GLRX3: variants seen among roughly 807,000 people sequenced by gnomAD.
GLRX3 encodes glutaredoxin-3.
GLRX3 carries 22 observed loss-of-function variants against 49.5 expected under a neutral mutation model. The observed-to-expected ratio is 0.44, with a 90% CI of 0.32 to 0.63. The LOEUF (loss-of-function observed/expected upper bound fraction) is 0.63, where lower values mean the gene tolerates loss of function less well. GLRX3 is among the 30% of genes least tolerant of loss of function. GLRX3 has a pLI of 0.05. For synonymous variants in GLRX3, 133 were observed against 140.0 expected (o/e 0.95, Z 0.35); for missense variants, 385 against 396.3 (o/e 0.97, Z 0.24).
intron 7 of GLRX3, among the ~76,000 whole-genome samples, 163 bp from the exon 8 acceptor site, chr10:130,171,421 G>C (rs1410989209): frequency 6.6e-6 from 1 of 151,680 alleles, no homozygotes; most frequent in Non-Finnish European, 1.5e-5. Flanking sequence ...TGTGTAGATG[G>C]GTTCGTACTT....
intron 2 of GLRX3, among the ~76,000 whole-genome samples, chr10:130,159,466 C>T (rs541334650): frequency 6.6e-6 from 1 of 152,286 alleles, no homozygotes; most frequent in East Asian, 1.9e-4. Context: ...GTCCAGCAGC[C>T]TTGCAGGAGT....
intron 2 of GLRX3, among the ~76,000 whole-genome samples, chr10:130,151,941 C>G (rs779542267): frequency 1.6e-4 from 25 of 152,152 alleles, no homozygotes; most frequent in Admixed American, 3.9e-4. Context: ...TTGACTCTGT[C>G]CAATTTGCCA....
chr10:130,154,266 A>T (rs1305515114), intron 2 of GLRX3, among the ~76,000 whole-genome samples: 2 of 152,176 alleles, frequency 1.3e-5, no homozygotes, highest in Non-Finnish European at 2.9e-5. Context: ...AGGAAAGGGA[A>T]ATCCTCCAAC....
intron 2 of GLRX3, among the ~76,000 whole-genome samples, chr10:130,153,290 C>T (rs1362932466): frequency 6.6e-6 from 1 of 152,202 alleles, no homozygotes; most frequent in Non-Finnish European, 1.5e-5. Flanking sequence ...CTTCTGAATC[C>T]TGCTTCTGTC....
chr10:130,146,854 C>T (rs377016012), intron 2 of GLRX3, among the ~76,000 whole-genome samples: 44 of 152,204 alleles, frequency 2.9e-4, no homozygotes, highest in South Asian at 1.5e-3. Context: ...GTAATTCATT[C>T]GTATAGTAGG....
chr10:130,166,745 T>C, intron 5 of GLRX3, 66 bp downstream of exon 5: 1 of 1,182,962 alleles, frequency 8.5e-7, no homozygotes, highest in East Asian at 2.3e-5. Flanking sequence ...TAAAATGTTG[T>C]GATAAATCTA....
chr10:130,160,475 C>T lies in GLRX3; in HGVS notation c.277-321C>T, dbSNP rs577742341. On this transcript the variant is annotated intron_variant, in intron 3 of 10. Coordinates refer to ENST00000331244, the MANE Select transcript of GLRX3 (RefSeq NM_006541.5). ...GTGCACACCTGTGCTTCCAGGCACC[C>T]ATGGGTGTCATCGTAGTTCCCCAAA... Among the ~76,000 whole-genome samples, 16 of 152,284 alleles carry T rather than the reference C, an allele frequency of 1.1e-4. No homozygotes were observed. The East Asian group carries it at 3.1e-3, about 29-fold the overall frequency.
At chr10:130,166,850 A>G (rs1862700995) in intron 5 of GLRX3, 69 bp from the exon 6 acceptor site, 27 of 1,058,816 alleles carry the variant, frequency 2.6e-5, no homozygotes, top group Admixed American at 2.0e-4. Flanking sequence ...AATCTGTGTT[A>G]TGGTATGATC....
In GLRX3 at chr10:130,166,674, A is replaced by G; in HGVS notation, c.646A>G (p.Ile216Val). 2 of 1,596,880 alleles carry G rather than the reference A, an allele frequency of 1.3e-6. No homozygotes were observed. The highest frequency in any genetic ancestry group is 1.7e-6 in the Non-Finnish European group (2 of 1,165,354). The stretch of plus-strand genomic sequence containing the variant: ...AGAGCTCATAGGAGGACTTGATATA[A>G]TTAAGGTTAGAATTGAGAAGTCTGT... ...SGELIGGLDIIKELEASEELD... is the reference protein window; with the variant it reads ...SGELIGGLDIVKELEASEELD... Residue 216 changes from isoleucine to valine, a missense_variant, in exon 5 of 11, where the codon ATT (isoleucine) becomes GTT (valine). Coordinates refer to ENST00000331244, the MANE Select transcript of GLRX3 (RefSeq NM_006541.5).
intron 6 of GLRX3, among the ~76,000 whole-genome samples, chr10:130,168,872 T>G (rs1157529943): frequency 2.0e-5 from 3 of 152,244 alleles, no homozygotes; most frequent in Non-Finnish European, 4.4e-5. Context: ...AACTTGTGGC[T>G]GTATACAGAT....
chr10:130,137,789 T>C (rs1182539325), intron 1 of GLRX3, among the ~76,000 whole-genome samples: 2 of 152,140 alleles, frequency 1.3e-5, no homozygotes, highest in South Asian at 2.1e-4. Context: ...GGCTGCAGTG[T>C]AGTGGAGCGA....
At chr10:130,168,453 ATTT>A (rs1335981443) in intron 6 of GLRX3, among the ~76,000 whole-genome samples, 4 of 151,496 alleles carry the variant, frequency 2.6e-5, no homozygotes, top group Non-Finnish European at 4.4e-5. Flanking sequence ...ATTTATTATT[ATTT>A]TTTTTTGAGA....
rs1265890389 is a variant in GLRX3, at chr10:130,167,707, A to G, written c.713+727A>G. 2.0e-5 allele frequency among the ~76,000 whole-genome samples: 3 copies of G among 152,138 alleles called. No individual in the cohort carries two copies. The East Asian group carries it at 5.8e-4, about 29-fold the overall frequency. On this transcript the variant is annotated intron_variant, in intron 6 of 10. Transcript: ENST00000331244. Reference sequence around the variant, plus strand: ...CTTCCTTTGGTAATTTTTTTTTGCCATGTAACATCTTGAGAATTTCTAAAA... The same window carrying G: ...CTTCCTTTGGTAATTTTTTTTTGCCGTGTAACATCTTGAGAATTTCTAAAA...
chr10:130,148,626 T>TA (rs1161195790), intron 2 of GLRX3, among the ~76,000 whole-genome samples: 1 of 152,092 alleles, frequency 6.6e-6, no homozygotes, highest in Admixed American at 6.6e-5. Flanking sequence ...TAGGAGCTGG[T>TA]AAAAATAGAG....
At chr10:130,152,938 CA>C (rs1343694913) in intron 2 of GLRX3, among the ~76,000 whole-genome samples, 3 of 152,142 alleles carry the variant, frequency 2.0e-5, no homozygotes, top group African/African-American at 7.2e-5. Flanking sequence ...TCAGGTACAC[CA>C]ATCAAACGTA....
chr10:130,143,607 C>T (rs535216541), intron 1 of GLRX3, among the ~76,000 whole-genome samples: 3 of 151,978 alleles, frequency 2.0e-5, no homozygotes, highest in Non-Finnish European at 4.4e-5. Context: ...TGGCTCACTA[C>T]AGCCTCGACC....
At position 130,174,889 on chromosome 10, in the gene GLRX3, A is replaced by G. The variant is rs756917501; in HGVS notation, c.847A>G (p.Ile283Val). The G allele has an allele frequency of 1.1e-5, 17 of 1,597,474 alleles. No individual in the cohort carries two copies. Among genetic ancestry groups the G allele is most frequent in the Non-Finnish European group, 1.5e-5 (17 of 1,164,726 alleles). ...STGVEYETFD[I>V]LEDEEVRQGL... ...CAGTGTTGAATATGAAACATTCGAT[A>G]TATTGGAGGATGAAGAAGTAAGTTC... Residue 283 changes from isoleucine (I) to valine (V), a missense_variant, in exon 9 of 11, where the codon ATA becomes GTA. Physicochemically the swap from Ile to Val is conservative, Grantham distance 29. This residue lies in a region of GLRX3 where 374 missense variants were observed against 358.6 expected (regional missense o/e 1.04). Transcript: ENST00000331244.
intron 1 of GLRX3, 37 bp downstream of exon 1, chr10:130,136,549 G>C: frequency 8.0e-7 from 1 of 1,249,108 alleles, no homozygotes; most frequent in Non-Finnish European, 1.0e-6. Flanking sequence ...TGAGGAGCCG[G>C]AGCGGGAGCG....
rs760738747 is a variant in GLRX3, at chr10:130,166,949, A to G, written c.682A>G (p.Ile228Val). The stretch of plus-strand genomic sequence containing the variant: ...AGAAGCATCTGAAGAACTAGATACA[A>G]TTTGTCCCAAAGCTCCCAAATTAGA... ...ELEASEELDT[I>V]CPKAPKLEER... Residue 228 changes from isoleucine to valine, a missense_variant, in exon 6 of 11, where the codon ATT becomes GTT. Ile to Val is a conservative substitution (Grantham distance 29, BLOSUM62 3). Transcript: ENST00000331244. 37 of 1,597,956 alleles carry G rather than the reference A, an allele frequency of 2.3e-5. No individual in the cohort carries two copies. Among genetic ancestry groups the G allele is most frequent in the Admixed American group, 3.5e-5 (2 of 57,570 alleles).
Sources: allele counts gnomAD v4.1 joint callset (sites outside exome capture counted in the v4.1 genomes callset), GRCh38; gene constraint gnomAD v4.1.1; regional missense constraint gnomAD v4.1.1; transcripts MANE v1.5; gene names NCBI Gene and HGNC (gene_info 2026-07-23, HGNC 2026-07-21).